KCNJ15: variants seen among roughly 807,000 people sequenced by gnomAD.
KCNJ15 encodes the protein potassium inwardly rectifying channel subfamily J member 15.
Under a neutral mutation model 23.0 loss-of-function variants are expected in KCNJ15, and 14 were observed. The ratio of observed to expected loss-of-function variants is 0.61; its 90% confidence interval spans 0.40 to 0.95. The LOEUF (loss-of-function observed/expected upper bound fraction) is 0.95, where lower values mean the gene tolerates loss of function less well. Ranked by LOEUF, KCNJ15 falls within the 40% of genes least tolerant of loss-of-function variation. The pLI is 0.00. For missense variants in KCNJ15, 388 were observed against 461.8 expected (o/e 0.84, Z 1.46); for synonymous variants, 185 against 183.2 (o/e 1.01, Z -0.08).
At position 38,285,243 on chromosome 21, in the gene KCNJ15, G is replaced by A. The variant is rs1028256314; in HGVS notation, c.-116-11683G>A. Among the ~76,000 whole-genome samples the A allele has an allele frequency of 1.2e-4, 18 of 152,176 alleles. 1 individual carries two copies. The highest frequency in any genetic ancestry group is 8.5e-4 in the Admixed American group (13 of 15,294). ...TAAATGTGATTCCTTTTGATAAGTC[G>A]TATTTTATGTTTTATTTGTCGTATG... On this transcript the variant is annotated intron_variant, in intron 1 of 2. Coordinates refer to ENST00000398938, the MANE Select transcript of KCNJ15 (RefSeq NM_170736.3).
intron 1 of KCNJ15, chr21:38,238,768 A>G (rs1978796210): frequency 2.9e-6 from 1 of 349,746 alleles, no homozygotes; most frequent in African/African-American, 2.1e-5. Context: ...GAGAAGAGTC[A>G]GAATGATTAG....
chr21:38,299,463 A>G lies in KCNJ15; in HGVS notation c.202A>G (p.Thr68Ala), dbSNP rs757548330. Reference sequence around the variant, plus strand: ...CGACATGAAGTGGAGATACAAACTCACCCTGTTCGCTGCCACTTTTGTGAT... The same window carrying G: ...CGACATGAAGTGGAGATACAAACTCGCCCTGTTCGCTGCCACTTTTGTGAT... The part of the protein sequence containing the change: ...VIDMKWRYKL[T>A]LFAATFVMTW... Residue 68 changes from threonine to alanine, a missense_variant, in exon 3 of 3, where the codon ACC (threonine) becomes GCC (alanine). By Grantham distance (58) the Thr-to-Ala change is moderately conservative. Coordinates refer to ENST00000398938, the MANE Select transcript of KCNJ15 (RefSeq NM_170736.3). The surrounding 1 kb of genome is among the most constrained non-coding windows in gnomAD (Gnocchi z 4.5). 6.2e-7 allele frequency: 1 copy of G among 1,613,876 alleles called. No individual in the cohort carries two copies. Among genetic ancestry groups the G allele is most frequent in the South Asian group, 1.1e-5 (1 of 91,058 alleles).
chr21:38,283,678 A>G (rs1601219401), intron 1 of KCNJ15, among the ~76,000 whole-genome samples: 1 of 152,322 alleles, frequency 6.6e-6, no homozygotes, highest in East Asian at 1.9e-4. Context: ...GCAGTCTAAC[A>G]TAAATAGTTT....
At chr21:38,277,030 T>TGTGG in intron 1 of KCNJ15, among the ~76,000 whole-genome samples, 1 of 149,864 alleles carries the variant, frequency 6.7e-6, no homozygotes, top group Admixed American at 6.6e-5. Context: ...TAAAAAATTG[T>TGTGG]GTGTGTGTGT....
chr21:38,245,560 CAAAGAAAGA>C (rs1414550985), intron 1 of KCNJ15, among the ~76,000 whole-genome samples: 2 of 102,052 alleles, frequency 2.0e-5, no homozygotes, highest in African/African-American at 3.8e-5. Context: ...TTTATAATAA[CAAAGAAAGA>C]AAAGAAAGAA....
chr21:38,289,679 G>C (rs1984374382), intron 1 of KCNJ15, among the ~76,000 whole-genome samples: 1 of 152,160 alleles, frequency 6.6e-6, no homozygotes, highest in African/African-American at 2.4e-5. Flanking sequence ...GTTGCAGGGA[G>C]CTGAGATTGT....
Position 38,299,476 on chromosome 21 carries a change from C to A in KCNJ15, c.215C>A (p.Ala72Asp), listed in dbSNP as rs2146353879. 6.2e-7 allele frequency: 1 copy of A among 1,614,190 alleles called. No homozygotes were observed. Among genetic ancestry groups the A allele is most frequent in the South Asian group, 1.1e-5 (1 of 91,084 alleles). ...KWRYKLTLFA[A>D]TFVMTWFLFG... is the part of the protein sequence containing the mutation. ...AGATACAAACTCACCCTGTTCGCTG[C>A]CACTTTTGTGATGACCTGGTTCCTT... Residue 72 changes from alanine (A) to aspartate (D), a missense_variant, in exon 3 of 3, where the codon GCC becomes GAC. Physicochemically the swap from Ala to Asp is moderately radical, Grantham distance 126. Coordinates refer to ENST00000398938, the MANE Select transcript of KCNJ15 (RefSeq NM_170736.3). The surrounding 1 kb of genome is among the most constrained non-coding windows in gnomAD (Gnocchi z 4.5).
chr21:38,290,663 G>C (rs753820136), intron 1 of KCNJ15, among the ~76,000 whole-genome samples: 8 of 152,102 alleles, frequency 5.3e-5, no homozygotes, highest in Admixed American at 2.6e-4. Context: ...AGTAGCTCAG[G>C]TGTGGAGCCT....
intron 1 of KCNJ15, among the ~76,000 whole-genome samples, chr21:38,266,329 C>T (rs1357466222): frequency 6.6e-6 from 1 of 152,158 alleles, no homozygotes; most frequent in Non-Finnish European, 1.5e-5. Flanking sequence ...TGATGTTCCC[C>T]TCCCTATGCC....
chr21:38,298,350 G>T (rs1283562719), intron 2 of KCNJ15: 4 of 152,138 alleles, frequency 2.6e-5, no homozygotes, highest in Admixed American at 1.3e-4. Context: ...CTTTAAAATA[G>T]ATTTCTTCTG....
intron 1 of KCNJ15, chr21:38,269,168 C>A (rs548148825): frequency 4.6e-5 from 7 of 152,272 alleles, no homozygotes; most frequent in Non-Finnish European, 7.4e-5. Flanking sequence ...TCAAAATGAC[C>A]AGAATGATTC....
Position 38,299,630 on chromosome 21 carries a change from A to T in KCNJ15, c.369A>T (p.Glu123Asp). The T allele has an allele frequency of 6.2e-7, 1 of 1,614,126 alleles. No individual in the cohort carries two copies. Among genetic ancestry groups the T allele is most frequent in the Non-Finnish European group, 8.5e-7 (1 of 1,180,018 alleles). Residue 123 changes from glutamate to aspartate, a missense_variant, in exon 3 of 3, where the codon GAA (glutamate) becomes GAT (aspartate). Transcript: ENST00000398938. This position sits in a 1 kb window ranked among gnomAD's most constrained non-coding sequence, Gnocchi z 4.5. ...CTGGGGCGTTTCTCTTTTCCCTGGA[A>T]TCCCAGACAACCATTGGCTATGGAG... ...SLTGAFLFSL[E>D]SQTTIGYGVR...
chr21:38,290,174 C>T (rs1984435579), intron 1 of KCNJ15, among the ~76,000 whole-genome samples: 1 of 152,174 alleles, frequency 6.6e-6, no homozygotes, highest in Non-Finnish European at 1.5e-5. Flanking sequence ...TATTCCAGTG[C>T]TCAGATTCTT....
intron 1 of KCNJ15, among the ~76,000 whole-genome samples, chr21:38,279,962 G>A (rs540099371): frequency 6.6e-6 from 1 of 152,318 alleles, no homozygotes; most frequent in South Asian, 2.1e-4. Context: ...AAACAGGGCT[G>A]AAGATAGATC....
chr21:38,270,882 C>T (rs2836265), intron 1 of KCNJ15, among the ~76,000 whole-genome samples: 31,222 of 152,194 alleles, frequency 0.21, 3,530 homozygotes, highest in East Asian at 0.44. Flanking sequence ...TGTAACTGTT[C>T]TACCTGGGTC....
intron 1 of KCNJ15, among the ~76,000 whole-genome samples, chr21:38,269,561 G>T (rs1981866563): frequency 6.6e-6 from 1 of 152,188 alleles, no homozygotes; most frequent in Non-Finnish European, 1.5e-5. Context: ...GAGAAGAAGG[G>T]ATAAAGAAAA....
At chr21:38,260,913 G>A (rs149511046) in intron 1 of KCNJ15, among the ~76,000 whole-genome samples, 23 of 152,272 alleles carry the variant, frequency 1.5e-4, no homozygotes, top group East Asian at 3.9e-4. Flanking sequence ...AGGGCCTCTC[G>A]TAGTAGCCTG....
chr21:38,233,170 T>C (rs563962057), intron 1 of KCNJ15, among the ~76,000 whole-genome samples: 1 of 152,172 alleles, frequency 6.6e-6, no homozygotes, highest in South Asian at 2.1e-4. Context: ...TACCTTTTTC[T>C]CATAGATTGG....
intron 1 of KCNJ15, among the ~76,000 whole-genome samples, chr21:38,238,931 T>A (rs1978808731): frequency 6.6e-6 from 1 of 152,180 alleles, no homozygotes. Context: ...TAAAAATAAT[T>A]CTGCAGTTGA....
Sources: gnomAD v4.1 joint callset for allele counts (sites outside exome capture counted in the v4.1 genomes callset) on GRCh38, gnomAD v4.1.1 for gene constraint, Gnocchi (gnomAD v3.1) non-coding constraint, MANE v1.5 for transcripts, NCBI Gene and HGNC (gene_info 2026-07-23, HGNC 2026-07-21) for gene names.